ZFAND3: variants seen among roughly 807,000 people sequenced by gnomAD.
The protein encoded by ZFAND3 is AN1-type zinc finger protein 3.
Under a neutral mutation model 29.6 loss-of-function variants are expected in ZFAND3, and 10 were observed. The ratio of observed to expected loss-of-function variants is 0.34; its 90% CI spans 0.21 to 0.57. The LOEUF is 0.57. ZFAND3 is among the 20% of genes least tolerant of loss of function. ZFAND3 has a pLI of 0.86. For missense variants in ZFAND3, 230 were observed against 304.5 expected (o/e 0.76, Z 1.82); for synonymous variants, 128 against 112.6 (o/e 1.14, Z -0.87).
chr6:37,888,708 A>G (rs556446961), intron 1 of ZFAND3, among the ~76,000 whole-genome samples: 1 of 152,222 alleles, frequency 6.6e-6, no homozygotes, highest in Admixed American at 6.5e-5. Context: ...GGGTGAGGAT[A>G]TAAGAAGACT....
chr6:38,031,143 T>A (rs2127451728), intron 2 of ZFAND3, among the ~76,000 whole-genome samples: 1 of 152,342 alleles, frequency 6.6e-6, no homozygotes. Context: ...TGCTGCTTTT[T>A]TCACTACGTA....
At chr6:38,059,458 C>G (rs766097518) in intron 2 of ZFAND3, among the ~76,000 whole-genome samples, 2 of 152,110 alleles carry the variant, frequency 1.3e-5, no homozygotes, top group African/African-American at 2.4e-5. Context: ...ATTTTAAGAT[C>G]AATTTTCTGT....
chr6:37,877,059 A>G (rs1764806632), intron 1 of ZFAND3, among the ~76,000 whole-genome samples: 1 of 152,220 alleles, frequency 6.6e-6, no homozygotes, highest in Non-Finnish European at 1.5e-5. Context: ...TGTATATGAA[A>G]GGAGGGCTGG....
chr6:38,088,205 G>A (rs2127472887), intron 4 of ZFAND3: 1 of 152,300 alleles, frequency 6.6e-6, no homozygotes, highest in South Asian at 2.1e-4. Context: ...ATGAGATCCA[G>A]TCATTCTTTT....
Position 38,154,589 on chromosome 6 carries a change from C to G in ZFAND3, c.*2200C>G. 1.0e-6 allele frequency: 1 copy of G among 966,244 alleles called. No individual in the cohort carries two copies. Among genetic ancestry groups the G allele is most frequent in the Non-Finnish European group, 1.2e-6 (1 of 812,374 alleles). The allele number at this position is 966,244 out of a possible 1,614,324, so 59.9% of individuals were successfully genotyped here. A position where few individuals can be genotyped will look rare whatever the true frequency, so the allele number is the denominator to read the frequency against. On this transcript the variant is annotated 3_prime_UTR_variant, in exon 6 of 6. Coordinates refer to ENST00000287218, the MANE Select transcript of ZFAND3 (RefSeq NM_021943.3). ...ATCTTGTAACTTTATTCTTTTTTCT[C>G]CTGCTGAAAAAAAAAATTAAACCAA... is the stretch of plus-strand genomic sequence containing the variant.
chr6:37,922,393 G>A (rs1174225874), intron 1 of ZFAND3, among the ~76,000 whole-genome samples: 1 of 151,482 alleles, frequency 6.6e-6, no homozygotes, highest in Non-Finnish European at 1.5e-5. Context: ...CAACACACAT[G>A]TTTTTGAAGA....
At chr6:37,940,611 A>G (rs1211930903) in intron 2 of ZFAND3, among the ~76,000 whole-genome samples, 2 of 152,210 alleles carry the variant, frequency 1.3e-5, no homozygotes, top group African/African-American at 4.8e-5. Context: ...TACAGGAAGC[A>G]TAGTACTGGC....
At chr6:37,949,489 T>C (rs1324034459) in intron 2 of ZFAND3, among the ~76,000 whole-genome samples, 1 of 152,160 alleles carries the variant, frequency 6.6e-6, no homozygotes, top group Non-Finnish European at 1.5e-5. Context: ...TGACACTATC[T>C]ACCTGGAGGT....
chr6:38,069,679 A>G (rs892134198), intron 3 of ZFAND3, among the ~76,000 whole-genome samples: 3 of 152,240 alleles, frequency 2.0e-5, no homozygotes, highest in Non-Finnish European at 2.9e-5. Flanking sequence ...TAATTTATCA[A>G]AAATCAATGT....
intron 5 of ZFAND3, among the ~76,000 whole-genome samples, chr6:38,141,950 C>T (rs1248257947): frequency 3.3e-5 from 5 of 152,242 alleles, no homozygotes; most frequent in African/African-American, 1.2e-4. Flanking sequence ...ATGCCCGTAA[C>T]AGCCCCATCT....
intron 1 of ZFAND3, among the ~76,000 whole-genome samples, chr6:37,906,330 T>A (rs1011627780): frequency 1.3e-5 from 2 of 152,186 alleles, no homozygotes; most frequent in African/African-American, 4.8e-5. Context: ...TTTCAGGGCT[T>A]ATCCGTGTTG....
At chr6:37,926,382 C>T (rs1447801223) in intron 1 of ZFAND3, among the ~76,000 whole-genome samples, 1 of 152,214 alleles carries the variant, frequency 6.6e-6, no homozygotes, top group Non-Finnish European at 1.5e-5. Flanking sequence ...TTCACCTCTT[C>T]CAGCTTCTGG....
At chr6:38,089,029 C>T (rs1764811839) in intron 4 of ZFAND3, among the ~76,000 whole-genome samples, 1 of 152,182 alleles carries the variant, frequency 6.6e-6, no homozygotes, top group Non-Finnish European at 1.5e-5. Context: ...GTGTGACAAA[C>T]AGTGACATGA....
chr6:38,049,840 C>G (rs1763982873), intron 2 of ZFAND3, among the ~76,000 whole-genome samples: 1 of 151,692 alleles, frequency 6.6e-6, no homozygotes, highest in African/African-American at 2.4e-5. Context: ...TGGTCTTTTA[C>G]TCTTTGGGAA....
chr6:38,060,890 C>T (rs1393781808), intron 2 of ZFAND3, among the ~76,000 whole-genome samples: 1 of 152,086 alleles, frequency 6.6e-6, no homozygotes, highest in African/African-American at 2.4e-5. Context: ...GCAGAACCAT[C>T]GTATATGGAA....
At chr6:37,972,498 A>G (rs1180776326) in intron 2 of ZFAND3, among the ~76,000 whole-genome samples, 2 of 152,232 alleles carry the variant, frequency 1.3e-5, no homozygotes, top group Non-Finnish European at 2.9e-5. Flanking sequence ...AGGTATATGG[A>G]ATTGTGAGAC....
chr6:37,875,324 C>G (rs1764771987), intron 1 of ZFAND3, among the ~76,000 whole-genome samples: 1 of 152,050 alleles, frequency 6.6e-6, no homozygotes, highest in Non-Finnish European at 1.5e-5. Flanking sequence ...TGTAGAGATG[C>G]TTTTAAGGAT....
chr6:37,873,271 A>C (rs575593299), intron 1 of ZFAND3, among the ~76,000 whole-genome samples: 3 of 152,160 alleles, frequency 2.0e-5, no homozygotes, highest in Non-Finnish European at 2.9e-5. Flanking sequence ...CTCCGTCTCA[A>C]AAAAAAAGAA....
At chr6:37,933,757 TTTTGTTTG>T (rs758030914) in intron 2 of ZFAND3, among the ~76,000 whole-genome samples, 3 of 152,170 alleles carry the variant, frequency 2.0e-5, no homozygotes, top group African/African-American at 4.8e-5. Context: ...AGAGAGGTTT[TTTTGTTTG>T]TTTGTTTGTT....
Sources: allele counts gnomAD v4.1 joint callset (sites outside exome capture counted in the v4.1 genomes callset), GRCh38; gene constraint gnomAD v4.1.1; transcripts MANE v1.5; gene names NCBI Gene and HGNC (gene_info 2026-07-23, HGNC 2026-07-21).